Variants in CDH13 observed in about 807,000 individuals in gnomAD.
The protein encoded by CDH13 is cadherin-13.
A neutral mutation model predicts 63.8 loss-of-function variants in CDH13; 24 were observed. The ratio of observed to expected loss-of-function variants is 0.38; its 90% CI spans 0.27 to 0.53. The LOEUF is 0.53. Among genes scored for constraint, CDH13 ranks in the 20% least tolerant of loss-of-function variants. The pLI, the probability that CDH13 is intolerant of heterozygous loss-of-function variation, is 0.85. For synonymous variants in CDH13, 503 were observed against 355.3 expected (o/e 1.42, Z -4.67); for missense variants, 1,049 against 903.1 (o/e 1.16, Z -2.07).
intron 2 of CDH13, among the ~76,000 whole-genome samples, chr16:82,949,331 G>C (rs552428933): frequency 6.6e-6 from 1 of 152,070 alleles, no homozygotes; most frequent in Non-Finnish European, 1.5e-5. Context: ...TTCTCCCTGC[G>C]TCTCTGTCTT....
At chr16:83,345,054 C>T (rs1181731317) in intron 6 of CDH13, 48 bp downstream of exon 6, 1 of 1,590,922 alleles carries the variant, frequency 6.3e-7, no homozygotes, top group African/African-American at 1.3e-5. Context: ...GAAAGAGGCA[C>T]ACTTTGATCT....
chr16:83,698,721 G>T (rs1352502471), intron 10 of CDH13, among the ~76,000 whole-genome samples: 1 of 152,242 alleles, frequency 6.6e-6, no homozygotes, highest in East Asian at 1.9e-4. Context: ...TCTTACTTCA[G>T]TCCAGCGTCT....
intron 5 of CDH13, among the ~76,000 whole-genome samples, chr16:83,246,668 T>C (rs1041148026): frequency 6.6e-6 from 1 of 152,202 alleles, no homozygotes. Flanking sequence ...GTCATTCACT[T>C]GAACGGGTGA....
intron 4 of CDH13, among the ~76,000 whole-genome samples, chr16:83,165,600 G>A (rs986117050): frequency 3.3e-5 from 5 of 152,096 alleles, no homozygotes; most frequent in Non-Finnish European, 7.4e-5. Flanking sequence ...ACAGGGTAGG[G>A]ATGATGAGAC....
intron 6 of CDH13, among the ~76,000 whole-genome samples, chr16:83,485,319 C>G (rs72808344): frequency 0.018 from 2,710 of 152,326 alleles, 42 homozygotes; most frequent in Non-Finnish European, 0.026. Context: ...TGGTCCTTGA[C>G]AATGGATATA....
At chr16:83,456,970 AAAAG>A (rs1325084322) in intron 6 of CDH13, among the ~76,000 whole-genome samples, 1 of 152,146 alleles carries the variant, frequency 6.6e-6, no homozygotes. Context: ...TAAAATAATA[AAAAG>A]AAAGATCCCC....
chr16:83,028,527 G>C (rs1307117292), intron 2 of CDH13, among the ~76,000 whole-genome samples: 2 of 152,176 alleles, frequency 1.3e-5, no homozygotes, highest in African/African-American at 4.8e-5. Flanking sequence ...CTCTACAGTA[G>C]TCCCTGCTTG....
At chr16:83,006,900 T>TA (rs5818418) in intron 2 of CDH13, among the ~76,000 whole-genome samples, 63 of 115,052 alleles carry the variant, frequency 5.5e-4, no homozygotes, top group Admixed American at 3.2e-3. Context: ...CCAGTTTTGA[T>TA]TTTTTTTGTT....
chr16:83,224,874 C>T (rs143847090), intron 5 of CDH13, among the ~76,000 whole-genome samples: 2 of 152,162 alleles, frequency 1.3e-5, no homozygotes, highest in Non-Finnish European at 2.9e-5. Flanking sequence ...AGCCAGCCTG[C>T]CACATATCGG....
chr16:83,322,992 C>A (rs2090263779), intron 5 of CDH13, among the ~76,000 whole-genome samples: 1 of 152,006 alleles, frequency 6.6e-6, no homozygotes, highest in Admixed American at 6.5e-5. Flanking sequence ...AAAGTACTTT[C>A]ATACCCATTT....
At chr16:83,578,900 A>G (rs1905284522) in intron 7 of CDH13, among the ~76,000 whole-genome samples, 1 of 152,234 alleles carries the variant, frequency 6.6e-6, no homozygotes, top group Non-Finnish European at 1.5e-5. Flanking sequence ...ACTGAGGCTT[A>G]GTGAGGTTAA....
At chr16:82,751,524 T>C (rs1246035526) in intron 1 of CDH13, among the ~76,000 whole-genome samples, 2 of 152,098 alleles carry the variant, frequency 1.3e-5, no homozygotes, top group African/African-American at 4.8e-5. Flanking sequence ...ACCAGAGCTC[T>C]GGGGCAGGGA....
intron 3 of CDH13, among the ~76,000 whole-genome samples, chr16:83,059,749 A>G (rs1354943034): frequency 6.7e-6 from 1 of 149,868 alleles, no homozygotes; most frequent in Non-Finnish European, 1.5e-5. Context: ...CTGTATCACT[A>G]ACTTTCTTAA....
intron 1 of CDH13, among the ~76,000 whole-genome samples, chr16:82,853,219 T>C (rs2039565251): frequency 6.6e-6 from 1 of 152,188 alleles, no homozygotes; most frequent in South Asian, 2.1e-4. Context: ...CAGCTGATCC[T>C]GAGATGCAAA....
In CDH13 at chr16:82,858,847, C is replaced by G. The variant is rs571133398; in HGVS notation, c.157+374C>G. 5 of 292,128 alleles carry G rather than the reference C, an allele frequency of 1.7e-5. No individual in the cohort carries two copies. The East Asian group carries it at 2.9e-4, about 17-fold the overall frequency. The allele number at this position is 292,128 out of a possible 1,614,324, so 18.1% of individuals were successfully genotyped here. A position where few individuals can be genotyped will look rare whatever the true frequency, so the allele number is the denominator to read the frequency against. ...CAGATTGCTGTTCTACCTGTAGTTT[C>G]TCATACATAGCATTAGATCAAAATA... On this transcript the variant is annotated intron_variant, in intron 2 of 13. Transcript: ENST00000567109.
At chr16:83,467,215 G>A (rs1310931930) in intron 6 of CDH13, among the ~76,000 whole-genome samples, 1 of 152,142 alleles carries the variant, frequency 6.6e-6, no homozygotes, top group East Asian at 1.9e-4. Flanking sequence ...GGTTCCAAGA[G>A]AAAACAAATA....
At chr16:82,629,055 G>C (rs537569439) in intron 1 of CDH13, among the ~76,000 whole-genome samples, 2 of 152,172 alleles carry the variant, frequency 1.3e-5, no homozygotes, top group African/African-American at 2.4e-5. Flanking sequence ...TTCTTTCTTG[G>C]CAGGTTTCAA....
intron 4 of CDH13, among the ~76,000 whole-genome samples, chr16:83,187,374 G>A (rs2038557936): frequency 6.6e-6 from 1 of 152,124 alleles, no homozygotes; most frequent in South Asian, 2.1e-4. Flanking sequence ...GTTGCTCTTT[G>A]AATCCTCTCA....
At chr16:82,748,164 G>A (rs1299341934) in intron 1 of CDH13, among the ~76,000 whole-genome samples, 1 of 152,124 alleles carries the variant, frequency 6.6e-6, no homozygotes, top group Admixed American at 6.5e-5. Flanking sequence ...CATAGCTGGG[G>A]ACTCTGCCAA....
Sources: gnomAD v4.1 joint callset for allele counts (sites outside exome capture counted in the v4.1 genomes callset) on GRCh38, gnomAD v4.1.1 for gene constraint, MANE v1.5 for transcripts, NCBI Gene and HGNC (gene_info 2026-07-23, HGNC 2026-07-21) for gene names.